Variants in SEMA5A observed in about 807,000 individuals in gnomAD.
The protein encoded by SEMA5A is semaphorin-5A.
A neutral mutation model predicts 135.5 loss-of-function variants in SEMA5A; 55 were observed. That is an observed-to-expected ratio of 0.41 (90% CI 0.33 to 0.51). The LOEUF is 0.51. SEMA5A is among the 20% of genes least tolerant of loss of function. The pLI is 0.37. For missense variants in SEMA5A, 1,290 were observed against 1,419.9 expected (o/e 0.91, Z 1.47); for synonymous variants, 580 against 546.5 (o/e 1.06, Z -0.85).
chr5:9,436,041 C>T (rs1758017408), intron 2 of SEMA5A, among the ~76,000 whole-genome samples: 1 of 152,102 alleles, frequency 6.6e-6, no homozygotes, highest in Non-Finnish European at 1.5e-5. Context: ...GAATCAAATC[C>T]CAGCTCTGCC....
chr5:9,487,043 C>T lies in SEMA5A; in HGVS notation c.-174-49191G>A, dbSNP rs76457989. ...GAAAAAAAAAAACTAGTAGAAAATG[C>T]ATACAAACAAAACAAAACACTATCA... On this transcript the variant is annotated intron_variant, in intron 1 of 22. Transcript: ENST00000382496. 1.9e-3 allele frequency among the ~76,000 whole-genome samples: 285 copies of T among 150,876 alleles called. 7 individuals are homozygous for T. The East Asian group carries it at 0.048, about 26-fold the overall frequency.
intron 18 of SEMA5A, among the ~76,000 whole-genome samples, chr5:9,055,923 G>A (rs1736865787): frequency 6.6e-6 from 1 of 151,606 alleles, no homozygotes; most frequent in South Asian, 2.1e-4. Flanking sequence ...CTCACTGAAG[G>A]AAGCACTTGC....
At chr5:9,044,959 T>TTTTTTAGTAGAGA (rs1253332245) in intron 21 of SEMA5A, among the ~76,000 whole-genome samples, 1 of 151,976 alleles carries the variant, frequency 6.6e-6, no homozygotes, top group African/African-American at 2.4e-5. Context: ...TAATTTTGTA[T>TTTTTTAGTAGAGA]TTTTTAGTAG....
At chr5:9,506,247 TGAG>T (rs1419480382) in intron 1 of SEMA5A, among the ~76,000 whole-genome samples, 2 of 152,216 alleles carry the variant, frequency 1.3e-5, no homozygotes, top group Non-Finnish European at 2.9e-5. Context: ...AAGCCATTGG[TGAG>T]GAGTTGCTAA....
At chr5:9,328,179 T>C (rs192173312) in intron 4 of SEMA5A, among the ~76,000 whole-genome samples, 164 of 152,290 alleles carry the variant, frequency 1.1e-3, no homozygotes, top group African/African-American at 3.7e-3. Flanking sequence ...TGGCCATCAA[T>C]TGCTGTCAAA....
chr5:9,475,467 T>C (rs931381904), intron 1 of SEMA5A, among the ~76,000 whole-genome samples: 2 of 152,224 alleles, frequency 1.3e-5, no homozygotes, highest in African/African-American at 4.8e-5. Flanking sequence ...ATTCTCTAAT[T>C]TTGAGCAGGT....
At chr5:9,168,556 G>A (rs1250418797) in intron 11 of SEMA5A, among the ~76,000 whole-genome samples, 2 of 152,160 alleles carry the variant, frequency 1.3e-5, no homozygotes, top group Non-Finnish European at 2.9e-5. Context: ...CACGGCCAAG[G>A]GCCTCCCTCC....
Position 9,237,854 on chromosome 5 carries a change from C to T in SEMA5A, c.307G>A (p.Ala103Thr), listed in dbSNP as rs778349906. The T allele has an allele frequency of 1.2e-6, 2 of 1,613,408 alleles. No homozygotes were observed. Among genetic ancestry groups the T allele is most frequent in the Non-Finnish European group, 8.5e-7 (1 of 1,179,642 alleles). The change falls in exon 6 of 23, where the codon GCC (alanine) becomes ACC (threonine). Residue 103 changes from alanine to threonine, a missense_variant. Around this residue, in one of 3 missense-constraint regions of SEMA5A, gnomAD observed 116 missense variants for 121.3 expected, o/e 0.96. Coordinates refer to ENST00000382496, the MANE Select transcript of SEMA5A (RefSeq NM_003966.3). ...EWECDEATKKACYSKGKSKEE... is the reference protein window; with the variant it reads ...EWECDEATKKTCYSKGKSKEE... ...TTTGATTTGCCTTTGCTGTAACAGGCCTTTTTGGTAGCTTCATCACACTCC... is the reference window on the plus strand; with the variant it reads ...TTTGATTTGCCTTTGCTGTAACAGGTCTTTTTGGTAGCTTCATCACACTCC...
chr5:9,100,557 T>G (rs1273384201), intron 16 of SEMA5A, among the ~76,000 whole-genome samples: 4 of 152,120 alleles, frequency 2.6e-5, no homozygotes, highest in Middle Eastern at 3.2e-3. Flanking sequence ...GTGACCTTGG[T>G]GACAAACCCT....
intron 1 of SEMA5A, among the ~76,000 whole-genome samples, chr5:9,472,572 C>T (rs910213414): frequency 2.0e-5 from 3 of 152,164 alleles, no homozygotes; most frequent in African/African-American, 7.2e-5. Flanking sequence ...ATGGCAGATC[C>T]TGAAGGAGGC....
intron 20 of SEMA5A, 110 bp from the exon 21 acceptor site, chr5:9,050,567 G>T: frequency 3.3e-6 from 3 of 910,790 alleles, no homozygotes; most frequent in Non-Finnish European, 4.7e-6. Context: ...GTGACACAAA[G>T]TTTCAAAAGC....
chr5:9,106,257 G>T (rs1316778285), intron 16 of SEMA5A, among the ~76,000 whole-genome samples: 4 of 152,102 alleles, frequency 2.6e-5, no homozygotes, highest in African/African-American at 9.7e-5. Flanking sequence ...TGAAAGCAGT[G>T]GTTACATTTG....
intron 5 of SEMA5A, among the ~76,000 whole-genome samples, chr5:9,277,050 TG>T (rs1430735482): frequency 6.6e-6 from 1 of 152,166 alleles, no homozygotes; most frequent in East Asian, 1.9e-4. Flanking sequence ...AGAAAATTTT[TG>T]CAATCTATCC....
chr5:9,263,922 A>C (rs1749541695), intron 5 of SEMA5A, among the ~76,000 whole-genome samples: 1 of 151,994 alleles, frequency 6.6e-6, no homozygotes, highest in Non-Finnish European at 1.5e-5. Flanking sequence ...CATTCCCCTC[A>C]TCTCTCCCCA....
intron 16 of SEMA5A, among the ~76,000 whole-genome samples, chr5:9,083,347 AT>A (rs1227726131): frequency 1.2e-4 from 19 of 152,188 alleles, no homozygotes; most frequent in Non-Finnish European, 2.9e-5. Context: ...GAAATTAATT[AT>A]GTTCCTCTTA....
In SEMA5A at chr5:9,512,973, C is replaced by T. The variant is rs150155232; in HGVS notation, c.-175+32611G>A. On this transcript the variant is annotated intron_variant, in intron 1 of 22. Transcript: ENST00000382496. ...GAGTTCTGTGCCAAAGCAAGGAACG[C>T]ATTAATGAAAACGAAGAATAAAAGG... Among the ~76,000 whole-genome samples the T allele has an allele frequency of 2.7e-3, 410 of 151,514 alleles. 2 individuals are homozygous for T. In the South Asian group the frequency reaches 0.042, roughly 16 times the overall value.
chr5:9,147,562 G>A lies in SEMA5A; in HGVS notation c.1481+6926C>T, dbSNP rs560607274. On this transcript the variant is annotated intron_variant, in intron 12 of 22. Coordinates refer to ENST00000382496, the MANE Select transcript of SEMA5A (RefSeq NM_003966.3). ...GGGGATTATAGGAATGAGCCACCAC[G>A]TCCTGCCCAATGTCTTTTTCTTAAT... Among the ~76,000 whole-genome samples, 13 of 152,110 alleles carry A rather than the reference G, an allele frequency of 8.5e-5. No homozygotes were observed. In the East Asian group the frequency reaches 1.4e-3, roughly 16 times the overall value.
At chr5:9,423,023 C>A in intron 2 of SEMA5A, among the ~76,000 whole-genome samples, 1 of 152,154 alleles carries the variant, frequency 6.6e-6, no homozygotes, top group East Asian at 1.9e-4. Flanking sequence ...ATGCAAATTC[C>A]ACCTTTGTAT....
At chr5:9,210,035 A>G (rs1446759193) in intron 8 of SEMA5A, among the ~76,000 whole-genome samples, 1 of 152,194 alleles carries the variant, frequency 6.6e-6, no homozygotes, top group African/African-American at 2.4e-5. Flanking sequence ...ACACGTCTGC[A>G]TGATATCTTC....
Sources: gnomAD v4.1 joint callset for allele counts (sites outside exome capture counted in the v4.1 genomes callset) on GRCh38, gnomAD v4.1.1 for gene constraint, gnomAD v4.1.1 regional missense constraint, MANE v1.5 for transcripts, NCBI Gene and HGNC (gene_info 2026-07-23, HGNC 2026-07-21) for gene names.